Variants in BCAS3 observed in about 807,000 individuals in gnomAD.
BCAS3 encodes BCAS3 microtubule associated cell migration factor, also known as BCAS4/BCAS3 fusion.
In BCAS3, 53 loss-of-function variants were observed where a neutral mutation model predicts 116.1. The observed-to-expected ratio is 0.46, with a 90% CI of 0.37 to 0.57. BCAS3 has a LOEUF of 0.57. BCAS3 is among the 20% of genes least tolerant of loss of function. BCAS3 has a pLI of 0.00. For missense variants in BCAS3, 917 were observed against 1,165.4 expected (o/e 0.79, Z 3.10); for synonymous variants, 391 against 408.2 (o/e 0.96, Z 0.51).
chr17:61,199,325 T>G lies in BCAS3; in HGVS notation c.2425+114761T>G, dbSNP rs2080683860. 6.6e-6 allele frequency among the ~76,000 whole-genome samples: 1 copy of G among 152,218 alleles called. No individual in the cohort carries two copies. Among genetic ancestry groups the G allele is most frequent in the African/African-American group, 2.4e-5 (1 of 41,456 alleles). ...TCTTTCCTCTCTACACTGCCACAGC[T>G]ACAACTGCTTCCCTGTCAAACATTA... On this transcript the variant is annotated intron_variant, in intron 22 of 23. Transcript: ENST00000407086. This position sits in a 1 kb window ranked among gnomAD's most constrained non-coding sequence, Gnocchi z 4.6.
chr17:60,764,353 AC>A (rs1568197245), intron 6 of BCAS3, among the ~76,000 whole-genome samples: 1 of 152,096 alleles, frequency 6.6e-6, no homozygotes, highest in African/African-American at 2.4e-5. Flanking sequence ...ATTTTCCTCT[AC>A]ACACTGCTTT....
chr17:60,783,198 T>C (rs2045981240), intron 6 of BCAS3, among the ~76,000 whole-genome samples: 1 of 152,150 alleles, frequency 6.6e-6, no homozygotes, highest in Non-Finnish European at 1.5e-5. Context: ...ACAGTTTGTT[T>C]GTTTGTTTAT....
intron 13 of BCAS3, 48 bp from the exon 14 acceptor site, chr17:60,947,171 C>T: frequency 6.5e-7 from 1 of 1,528,728 alleles, no homozygotes; most frequent in South Asian, 1.2e-5. Flanking sequence ...ATATTTCATC[C>T]ACATACATAA....
At chr17:60,795,033 G>A (rs1044024309) in intron 6 of BCAS3, among the ~76,000 whole-genome samples, 7 of 152,166 alleles carry the variant, frequency 4.6e-5, no homozygotes, top group Non-Finnish European at 8.8e-5. Context: ...ACCCATCTGC[G>A]AGCGTGAGCA....
intron 22 of BCAS3, among the ~76,000 whole-genome samples, chr17:61,159,967 A>G (rs1230115269): frequency 1.3e-5 from 2 of 149,898 alleles, no homozygotes; most frequent in Admixed American, 6.8e-5. Context: ...TTGAAGTAAA[A>G]GAAAAAATAT....
At chr17:61,135,064 T>C (rs2143897137) in intron 22 of BCAS3, among the ~76,000 whole-genome samples, 1 of 152,334 alleles carries the variant, frequency 6.6e-6, no homozygotes, top group African/African-American at 2.4e-5. Flanking sequence ...AAATCGGAAC[T>C]GAGACAGTGA....
intron 9 of BCAS3, among the ~76,000 whole-genome samples, chr17:60,889,324 A>G (rs1170475253): frequency 6.6e-6 from 1 of 152,194 alleles, no homozygotes; most frequent in Admixed American, 6.5e-5. Flanking sequence ...TGAACCCATC[A>G]TATCATTTCT....
rs760431663 is a variant in BCAS3, at chr17:61,203,690, AT to A, written c.2425+119133del. Among the ~76,000 whole-genome samples the A allele has an allele frequency of 6.6e-6, 1 of 152,108 alleles. No homozygotes were observed. Among genetic ancestry groups the A allele is most frequent in the Admixed American group, 6.5e-5 (1 of 15,268 alleles). ...TTGCCTTCCGTTCATCTTTGTAACC[AT>A]TTTTTTGTTTCAGGTTGAGTGTGAT... On this transcript the variant is annotated intron_variant, in intron 22 of 23. Transcript: ENST00000407086. The surrounding 1 kb of genome is among the most constrained non-coding windows in gnomAD (Gnocchi z 5.7).
rs1013858824 is a variant in BCAS3 at position 61,124,404 on chromosome 17, C to T, written c.2425+39840C>T. 5.3e-5 allele frequency among the ~76,000 whole-genome samples: 8 copies of T among 151,784 alleles called. No individual in the cohort carries two copies. Among genetic ancestry groups the T allele is most frequent in the African/African-American group, 1.7e-4 (7 of 41,320 alleles). On this transcript the variant is annotated intron_variant, in intron 22 of 23. Coordinates refer to ENST00000407086, the MANE Select transcript of BCAS3 (RefSeq NM_017679.5). The surrounding 1 kb of genome is among the most constrained non-coding windows in gnomAD (Gnocchi z 4.6). ...AAGTAGGGATTATAATATAACAATGCATCTTTTTATTTAGTTTGTTAACTA... is the reference window on the plus strand; with the variant it reads ...AAGTAGGGATTATAATATAACAATGTATCTTTTTATTTAGTTTGTTAACTA...
chr17:61,033,945 A>G (rs1008759298), intron 16 of BCAS3, among the ~76,000 whole-genome samples: 2 of 152,208 alleles, frequency 1.3e-5, no homozygotes. Context: ...CAGACATATG[A>G]GCAACAGAAA....
At chr17:61,299,153 G>C (rs1181327449) in intron 22 of BCAS3, among the ~76,000 whole-genome samples, 1 of 151,510 alleles carries the variant, frequency 6.6e-6, no homozygotes, top group Admixed American at 6.6e-5. Context: ...CAAAAGATGA[G>C]ATTCTGAGGG....
At chr17:61,345,650 G>A (rs1172823275) in intron 22 of BCAS3, among the ~76,000 whole-genome samples, 1 of 152,114 alleles carries the variant, frequency 6.6e-6, no homozygotes, top group Non-Finnish European at 1.5e-5. Context: ...CATCTTGATG[G>A]GTTTGGCAAA....
At chr17:60,737,730 T>C (rs1044849612) in intron 5 of BCAS3, among the ~76,000 whole-genome samples, 2 of 151,904 alleles carry the variant, frequency 1.3e-5, no homozygotes, top group South Asian at 2.1e-4. Context: ...ATTTCTACTT[T>C]AATAATTCTA....
chr17:61,152,333 G>A (rs1290501315), intron 22 of BCAS3, among the ~76,000 whole-genome samples: 1 of 152,086 alleles, frequency 6.6e-6, no homozygotes, highest in African/African-American at 2.4e-5. Flanking sequence ...AGTGATTGGT[G>A]TGTTTTACAG....
chr17:61,177,834 C>T (rs1374830541), intron 22 of BCAS3, among the ~76,000 whole-genome samples: 3 of 152,166 alleles, frequency 2.0e-5, no homozygotes, highest in Non-Finnish European at 4.4e-5. Flanking sequence ...GTGGAAGTTA[C>T]ATAGTGTCTA....
Position 61,309,502 on chromosome 17 carries a change from C to T in BCAS3, c.2426-58825C>T, listed in dbSNP as rs2054128667. ...CATCAGAGGGGTCCCGGCAATGCGGCCCTGACCCTTCCCTGCCTCACTTGC... is the reference window on the plus strand; with the variant it reads ...CATCAGAGGGGTCCCGGCAATGCGGTCCTGACCCTTCCCTGCCTCACTTGC... On this transcript the variant is annotated intron_variant, in intron 22 of 23. Transcript: ENST00000407086. This position sits in a 1 kb window ranked among gnomAD's most constrained non-coding sequence, Gnocchi z 4.6. Among the ~76,000 whole-genome samples, 1 of 152,120 alleles carries T rather than the reference C, an allele frequency of 6.6e-6. No individual in the cohort carries two copies. The highest frequency in any genetic ancestry group is 2.1e-4 in the South Asian group (1 of 4,816).
chr17:61,360,307 C>G (rs112988471), intron 22 of BCAS3, among the ~76,000 whole-genome samples: 3,974 of 152,290 alleles, frequency 0.026, 161 homozygotes, highest in African/African-American at 0.086. Flanking sequence ...GCCCAACCAA[C>G]TTTTGTTTAA....
chr17:60,742,007 C>A (rs945867283), intron 5 of BCAS3, among the ~76,000 whole-genome samples: 4 of 151,824 alleles, frequency 2.6e-5, no homozygotes, highest in African/African-American at 9.7e-5. Context: ...TTTTTTAACT[C>A]ATTGATTAGG....
chr17:60,906,991 T>C (rs2058222202), intron 11 of BCAS3, among the ~76,000 whole-genome samples: 2 of 152,304 alleles, frequency 1.3e-5, no homozygotes, highest in South Asian at 4.1e-4. Flanking sequence ...TTAACCACTT[T>C]GTTATATAGA....
Sources: allele counts gnomAD v4.1 joint callset (sites outside exome capture counted in the v4.1 genomes callset), GRCh38; gene constraint gnomAD v4.1.1; non-coding constraint Gnocchi (gnomAD v3.1); transcripts MANE v1.5; gene names NCBI Gene and HGNC (gene_info 2026-07-23, HGNC 2026-07-21).